LATS2: variants seen among roughly 807,000 people sequenced by gnomAD.
LATS2 encodes the protein large tumor suppressor kinase 2.
Under a neutral mutation model 76.0 loss-of-function variants are expected in LATS2, and 24 were observed. The ratio of observed to expected loss-of-function variants is 0.32; its 90% CI spans 0.23 to 0.44. The LOEUF is 0.44. Among genes scored for constraint, LATS2 ranks in the 20% least tolerant of loss-of-function variants. The pLI, the probability that LATS2 is intolerant of heterozygous loss-of-function variation, is 1.00. For synonymous variants in LATS2, 692 were observed against 635.4 expected, an observed-to-expected ratio of 1.09 and a Z score of -1.34; for missense variants, 1,286 against 1,481.2, an observed-to-expected ratio of 0.87 and a Z score of 2.16.
rs145865279 is a variant in LATS2, at chr13:21,045,360, CA to C, written c.342+324del. ...AGCTCAGAATAACCCGAATAAACAC[CA>C]AAAAAAGGGGCTAAGCACGAAAGCC... On this transcript the variant is annotated intron_variant, in intron 2 of 7. Coordinates refer to ENST00000382592, the MANE Select transcript of LATS2 (RefSeq NM_014572.3). Among the ~76,000 whole-genome samples, 1,493 of 151,916 alleles carry C rather than the reference CA, an allele frequency of 9.8e-3. 22 individuals carry two copies. The highest frequency in any genetic ancestry group is 0.031 in the African/African-American group (1,284 of 41,452).
At chr13:21,055,446 C>T (rs1240204803) in intron 1 of LATS2, among the ~76,000 whole-genome samples, 1 of 152,198 alleles carries the variant, frequency 6.6e-6, no homozygotes, top group Non-Finnish European at 1.5e-5. Flanking sequence ...AAAACAAAAA[C>T]ACCTCATTCT....
rs1366963104 is a variant in LATS2 at position 20,991,656 on chromosome 13, T to G, written c.343-252A>C. ...CTTATGTCAAGGACATATGGGAATT[T>G]TGATGATGGGCCTGAAAGAGACTTA... On this transcript the variant is annotated intron_variant, in intron 2 of 7. Coordinates refer to ENST00000382592, the MANE Select transcript of LATS2 (RefSeq NM_014572.3). The surrounding 1 kb of genome is among the most constrained non-coding windows in gnomAD (Gnocchi z 4.9). Among the ~76,000 whole-genome samples, 1 of 152,168 alleles carries G rather than the reference T, an allele frequency of 6.6e-6. No individual in the cohort carries two copies. The highest frequency in any genetic ancestry group is 2.4e-5 in the African/African-American group (1 of 41,436).
chr13:21,052,476 G>A (rs1305953893), intron 1 of LATS2, among the ~76,000 whole-genome samples: 10 of 152,022 alleles, frequency 6.6e-5, no homozygotes, highest in Non-Finnish European at 1.0e-4. Flanking sequence ...TCAGCCACCC[G>A]AGTAACTGAG....
At chr13:21,050,761 C>T (rs574175572) in intron 1 of LATS2, among the ~76,000 whole-genome samples, 11 of 152,340 alleles carry the variant, frequency 7.2e-5, no homozygotes, top group Non-Finnish European at 1.0e-4. Flanking sequence ...GTGCCAAATA[C>T]GCTGAAGAGC....
intron 2 of LATS2, among the ~76,000 whole-genome samples, chr13:21,015,133 A>G (rs1420478240): frequency 6.6e-6 from 1 of 152,240 alleles, no homozygotes; most frequent in Non-Finnish European, 1.5e-5. Flanking sequence ...GGGAAACTGT[A>G]TAACTCTCTT....
At chr13:21,039,564 G>A (rs1041621422) in intron 2 of LATS2, among the ~76,000 whole-genome samples, 4 of 152,196 alleles carry the variant, frequency 2.6e-5, no homozygotes, top group Non-Finnish European at 4.4e-5. Flanking sequence ...CAACTGAGGT[G>A]AGGGTTTTGG....
chr13:21,004,951 C>G lies in LATS2; in HGVS notation c.343-13547G>C, dbSNP rs777010853. On this transcript the variant is annotated intron_variant, in intron 2 of 7. Transcript: ENST00000382592. ...TGAGCATGACTCCAAGGGACAGAGA[C>G]CAGCCCCGGCGTTCTAAATGCCTGG... Among the ~76,000 whole-genome samples the G allele has an allele frequency of 9.9e-5, 15 of 152,172 alleles. 1 individual carries two copies. The highest frequency in any genetic ancestry group is 1.3e-4 in the Non-Finnish European group (9 of 68,042).
intron 2 of LATS2, among the ~76,000 whole-genome samples, chr13:21,003,340 G>A (rs763242362): frequency 1.3e-5 from 2 of 151,894 alleles, no homozygotes; most frequent in African/African-American, 2.4e-5. Flanking sequence ...TGCAAACCCT[G>A]CCTCCTAGGT....
At chr13:21,019,102 G>A (rs1175919445) in intron 2 of LATS2, among the ~76,000 whole-genome samples, 3 of 152,088 alleles carry the variant, frequency 2.0e-5, no homozygotes, top group African/African-American at 7.2e-5. Context: ...TGGTCTAAGG[G>A]AGTTCCCTAA....
rs1319851169 is a variant in LATS2 at position 21,007,704 on chromosome 13, G to GTA, written c.343-16302_343-16301dup. 5.6e-3 allele frequency among the ~76,000 whole-genome samples: 14 copies of GTA among 2,486 alleles called. 3 individuals carry two copies. Among genetic ancestry groups the GTA allele is most frequent in the African/African-American group, 0.018 (9 of 502 alleles). 1.6% of individuals were successfully genotyped at this position (2,486 alleles called of 152,430 possible). On this transcript the variant is annotated intron_variant, in intron 2 of 7. Coordinates refer to ENST00000382592, the MANE Select transcript of LATS2 (RefSeq NM_014572.3). ...TATAGTATATATATATATATAGTAT[G>GTA]TATATATATATATATATAGTATATA... is the stretch of plus-strand genomic sequence containing the variant.
In LATS2 at chr13:20,993,781, C is replaced by T. The variant is rs555455265; in HGVS notation, c.343-2377G>A. The stretch of plus-strand genomic sequence containing the variant: ...ACCACCGCCTACTTCGGGAGCTATG[C>T]GATGAGATCACGTCTACGAAGACTC... On this transcript the variant is annotated intron_variant, in intron 2 of 7. Transcript: ENST00000382592. Among the ~76,000 whole-genome samples, 3 of 152,168 alleles carry T rather than the reference C, an allele frequency of 2.0e-5. No homozygotes were observed. In the East Asian group the frequency reaches 5.8e-4, roughly 29 times the overall value.
At chr13:21,061,084 C>G (rs1181075582) in intron 1 of LATS2, among the ~76,000 whole-genome samples, 1 of 151,822 alleles carries the variant, frequency 6.6e-6, no homozygotes, top group Non-Finnish European at 1.5e-5. Context: ...CCAACTTCCC[C>G]GGCTCCTCTG....
chr13:21,001,612 A>C (rs921354241), intron 2 of LATS2, among the ~76,000 whole-genome samples: 1 of 152,162 alleles, frequency 6.6e-6, no homozygotes, highest in East Asian at 1.9e-4. Flanking sequence ...CCTCTTGGGT[A>C]TTCAGCCCCA....
At chr13:21,056,662 G>C (rs917853609) in intron 1 of LATS2, among the ~76,000 whole-genome samples, 1 of 152,090 alleles carries the variant, frequency 6.6e-6, no homozygotes, top group Non-Finnish European at 1.5e-5. Context: ...TTTTGGATAC[G>C]CTCCAGCTAG....
In LATS2 at chr13:21,054,608, G is replaced by T. The variant is rs1321341439; in HGVS notation, c.-205+6738C>A. Among the ~76,000 whole-genome samples the T allele has an allele frequency of 2.0e-5, 3 of 152,160 alleles. No homozygotes were observed. In the East Asian group the frequency reaches 5.8e-4, roughly 29 times the overall value. On this transcript the variant is annotated intron_variant, in intron 1 of 7. Transcript: ENST00000382592. Reference sequence around the variant, plus strand: ...AGCCACGCTCCTAGAGACACTTGGGGTGTTAAGCATCTGTGGGTGCCACAA... The same window carrying T: ...AGCCACGCTCCTAGAGACACTTGGGTTGTTAAGCATCTGTGGGTGCCACAA...
intron 2 of LATS2, among the ~76,000 whole-genome samples, chr13:21,019,177 GT>G (rs1871933530): frequency 1.3e-5 from 2 of 152,098 alleles, no homozygotes; most frequent in Non-Finnish European, 2.9e-5. Flanking sequence ...ACGTAAGACA[GT>G]GCTTGTTACC....
At chr13:21,007,682 A>T (rs1214016187) in intron 2 of LATS2, among the ~76,000 whole-genome samples, 196 of 2,404 alleles carry the variant, frequency 0.082, 61 homozygotes, top group South Asian at 0.11. Flanking sequence ...ATATATATAT[A>T]GTATATATAT....
At chr13:21,043,306 C>T (rs1476803691) in intron 2 of LATS2, among the ~76,000 whole-genome samples, 1 of 151,976 alleles carries the variant, frequency 6.6e-6, no homozygotes, top group African/African-American at 2.4e-5. Flanking sequence ...CACCACACTC[C>T]AGCCTGGGCA....
intron 2 of LATS2, among the ~76,000 whole-genome samples, chr13:20,992,512 G>A (rs1008534693): frequency 1.3e-5 from 2 of 152,156 alleles, no homozygotes; most frequent in Non-Finnish European, 2.9e-5. Flanking sequence ...GGACAGCTCC[G>A]CAGAGCTGTA....
Sources: gnomAD v4.1 joint callset for allele counts (sites outside exome capture counted in the v4.1 genomes callset) on GRCh38, gnomAD v4.1.1 for gene constraint, Gnocchi (gnomAD v3.1) non-coding constraint, MANE v1.5 for transcripts, NCBI Gene and HGNC (gene_info 2026-07-23, HGNC 2026-07-21) for gene names.